Variants in JAK3 observed in about 807,000 individuals in gnomAD.
JAK3 encodes the protein Janus kinase 3.
Under a neutral mutation model 120.8 loss-of-function variants are expected in JAK3, and 88 were observed. That is an observed-to-expected ratio of 0.73 (90% CI 0.61 to 0.87). The LOEUF is 0.87. Ranked by LOEUF, JAK3 falls within the 40% of genes least tolerant of loss-of-function variation. The pLI is 0.00. For synonymous variants in JAK3, 592 were observed against 628.6 expected, an observed-to-expected ratio of 0.94 and a Z score of 0.87; for missense variants, 1,254 against 1,501.4, an observed-to-expected ratio of 0.84 and a Z score of 2.72.
chr19:17,826,768 T>C lies in JAK3; in HGVS notation c.3350A>G (p.Lys1117Arg). The C allele has an allele frequency of 6.2e-7, 1 of 1,613,996 alleles. No homozygotes were observed. Among genetic ancestry groups the C allele is most frequent in the Non-Finnish European group, 8.5e-7 (1 of 1,179,966 alleles). Residue 1117 changes from lysine to arginine, a missense_variant, in exon 24 of 24, where the codon AAA becomes AGA. Lys to Arg is a conservative substitution (Grantham distance 26, BLOSUM62 2). Transcript: ENST00000458235. ...THAFTAHPEG[K>R]HHSLSFS ...CTATGAAAAGGACAGGGAGTGGTGT[T>C]TGCCCTCTGGGTGAGCAGTGAAGGC...
intron 1 of JAK3, among the ~76,000 whole-genome samples, chr19:17,845,811 G>T (rs931797754): frequency 6.6e-6 from 1 of 152,028 alleles, no homozygotes; most frequent in African/African-American, 2.4e-5. Flanking sequence ...GGGGTGGGGC[G>T]GCATTAATGA....
intron 23 of JAK3, among the ~76,000 whole-genome samples, chr19:17,827,536 G>A (rs1349929776): frequency 6.0e-5 from 9 of 149,714 alleles, no homozygotes; most frequent in Non-Finnish European, 1.3e-4. Flanking sequence ...TAGTAGAGAC[G>A]GGGTTTCACC....
rs2147697674 is a variant in JAK3 at position 17,842,489 on chromosome 19, C to G, written c.688G>C (p.Asp230His). Residue 230 changes from aspartate to histidine, a missense_variant, in exon 6 of 24, where the codon GAC (aspartate) becomes CAC (histidine). Transcript: ENST00000458235. This position sits in a 1 kb window ranked among gnomAD's most constrained non-coding sequence, Gnocchi z 6.4. ...ALRRVAACQA[D>H]RHSLMAKYIM... is the part of the protein sequence containing the mutation. ...TACTTGGCCATGAGCGAGTGCCGGTCTGCCTGGCAGGCGGCCACGCGGCGC... is the reference window on the plus strand; with the variant it reads ...TACTTGGCCATGAGCGAGTGCCGGTGTGCCTGGCAGGCGGCCACGCGGCGC... 1.2e-6 allele frequency: 2 copies of G among 1,600,096 alleles called. No individual in the cohort carries two copies. The highest frequency in any genetic ancestry group is 2.3e-5 in the East Asian group (1 of 44,314).
rs1049976349 is a variant in JAK3, at chr19:17,841,291, C to A, written c.1142+98G>T. 6 of 1,306,452 alleles carry A rather than the reference C, an allele frequency of 4.6e-6. No homozygotes were observed. The highest frequency in any genetic ancestry group is 6.3e-6 in the Non-Finnish European group (6 of 954,752). The allele number at this position is 1,306,452 out of a possible 1,614,324, so 80.9% of individuals were successfully genotyped here. ...GCAGGTGTGGTTTGAAAACTTGACC[C>A]CTGTCCAGGGCTCCTGGAAGGTGAG... On this transcript the variant is annotated intron_variant, in intron 8 of 23. Coordinates refer to ENST00000458235, the MANE Select transcript of JAK3 (RefSeq NM_000215.4). The surrounding 1 kb of genome is among the most constrained non-coding windows in gnomAD (Gnocchi z 4.1).
Position 17,841,082 on chromosome 19 carries a change from G to A in JAK3, c.1142+307C>T, listed in dbSNP as rs141617447. On this transcript the variant is annotated intron_variant, in intron 8 of 23. Coordinates refer to ENST00000458235, the MANE Select transcript of JAK3 (RefSeq NM_000215.4). This position sits in a 1 kb window ranked among gnomAD's most constrained non-coding sequence, Gnocchi z 4.1. ...TCCTCCTGCCTTGGCCCCTCAAAGC[G>A]CTGCGATTGCAGGTGTGCCCCACTA... is the stretch of plus-strand genomic sequence containing the variant. Among the ~76,000 whole-genome samples, 130 of 152,174 alleles carry A rather than the reference G, an allele frequency of 8.5e-4. No individual in the cohort carries two copies. The highest frequency in any genetic ancestry group is 3.4e-3 in the Middle Eastern group (1 of 294).
Position 17,842,901 on chromosome 19 carries a change from C to A in JAK3, c.566+126G>T. Reference sequence around the variant, plus strand: ...GAGAGGGCTGGGTTCGTGGGAGGCCCTGGGTCATAGGAACACCCTGAAAGC... The same window carrying A: ...GAGAGGGCTGGGTTCGTGGGAGGCCATGGGTCATAGGAACACCCTGAAAGC... On this transcript the variant is annotated intron_variant, in intron 5 of 23. Transcript: ENST00000458235. This position sits in a 1 kb window ranked among gnomAD's most constrained non-coding sequence, Gnocchi z 6.4. 1 of 1,365,412 alleles carries A rather than the reference C, an allele frequency of 7.3e-7. No individual in the cohort carries two copies. The highest frequency in any genetic ancestry group is 1.0e-6 in the Non-Finnish European group (1 of 978,894). The allele number at this position is 1,365,412 out of a possible 1,614,324, so 84.6% of individuals were successfully genotyped here. A position where few individuals can be genotyped will look rare whatever the true frequency, so the allele number is the denominator to read the frequency against.
intron 8 of JAK3, among the ~76,000 whole-genome samples, 177 bp from the exon 9 acceptor site, chr19:17,840,518 T>C (rs549499296): frequency 6.6e-6 from 1 of 151,928 alleles, no homozygotes; most frequent in Non-Finnish European, 1.5e-5. Context: ...AATCCCAGCA[T>C]TTTGGGAGGC....
In JAK3 at chr19:17,844,313, G is replaced by A. The variant is rs199988158; in HGVS notation, c.105C>T (p.Pro35=). 27 of 1,608,594 alleles carry A rather than the reference G, an allele frequency of 1.7e-5. No homozygotes were observed. The highest frequency in any genetic ancestry group is 4.5e-5 in the East Asian group (2 of 44,752). The part of the protein sequence containing the change: ...ALHVLLPARG[P]GPPQRLSFSF... ...AGAAAGATAGGCGCTGGGGGGGCCC[G>A]GGGCCCCGAGCGGGCAGCAGCACAT... The change falls in exon 2 of 24, where the codon CCC becomes CCT. Residue 35 remains proline (P), a synonymous_variant. Coordinates refer to ENST00000458235, the MANE Select transcript of JAK3 (RefSeq NM_000215.4).
In JAK3 at chr19:17,841,976, T is replaced by TC. The variant is rs2094240395; in HGVS notation, c.862-215dup. On this transcript the variant is annotated intron_variant, in intron 6 of 23. Transcript: ENST00000458235. This position sits in a 1 kb window ranked among gnomAD's most constrained non-coding sequence, Gnocchi z 4.1. ...CGCTCTGCCAATCCCCGCCTCCTTCTCTCTGCCGGACCCCGCCCCTTGATC... is the reference window on the plus strand; with the variant it reads ...CGCTCTGCCAATCCCCGCCTCCTTCTCCTCTGCCGGACCCCGCCCCTTGATC... Among the ~76,000 whole-genome samples the TC allele has an allele frequency of 6.7e-6, 1 of 148,954 alleles. No homozygotes were observed.
At position 17,842,606 on chromosome 19, in the gene JAK3, T is replaced by C; in HGVS notation, c.571A>G (p.Lys191Glu). 1 of 1,573,252 alleles carries C rather than the reference T, an allele frequency of 6.4e-7. No individual in the cohort carries two copies. The highest frequency in any genetic ancestry group is 8.6e-7 in the Non-Finnish European group (1 of 1,157,600). Residue 191 changes from lysine to glutamate, a missense_variant, in exon 6 of 24, where the codon AAG becomes GAG. Coordinates refer to ENST00000458235, the MANE Select transcript of JAK3 (RefSeq NM_000215.4). This position sits in a 1 kb window ranked among gnomAD's most constrained non-coding sequence, Gnocchi z 6.4. ...CGCAGGCTTGGGGGTAGGCAGGCCT[T>C]GTAGCTGCAGGGGTTGGAGGGGAGG... ...PGELLKTVSY[K>E]ACLPPSLRDL...
At chr19:17,833,776 C>A (rs1215880211) in intron 17 of JAK3, among the ~76,000 whole-genome samples, 1 of 151,958 alleles carries the variant, frequency 6.6e-6, no homozygotes, top group African/African-American at 2.4e-5. Context: ...TTGCTTGAAC[C>A]AGGGAGGCAG....
rs201838318 is a variant in JAK3, at chr19:17,834,962, G to A, written c.2089C>T (p.Arg697Trp). 38 of 1,614,116 alleles carry A rather than the reference G, an allele frequency of 2.4e-5. No individual in the cohort carries two copies. The African/African-American group carries it at 2.5e-4, about 11-fold the overall frequency. Residue 697 changes from arginine to tryptophan, a missense_variant, in exon 16 of 24, where the codon CGG (arginine) becomes TGG (tryptophan). Physicochemically the swap from Arg to Trp is moderately radical, Grantham distance 101. Coordinates refer to ENST00000458235, the MANE Select transcript of JAK3 (RefSeq NM_000215.4). ...TCCAAGCTAAGTGTCTGCGCCTCCC[G>A]GAGACACTCGGGGGCCACCCAGGGG... ...RIPWVAPECL[R>W]EAQTLSLEAD... is the part of the protein sequence containing the mutation.
chr19:17,841,974 T>G lies in JAK3; in HGVS notation c.862-212A>C, dbSNP rs994334123. ...CCCGCTCTGCCAATCCCCGCCTCCT[T>G]CTCTCTGCCGGACCCCGCCCCTTGA... On this transcript the variant is annotated intron_variant, in intron 6 of 23. Transcript: ENST00000458235. This position sits in a 1 kb window ranked among gnomAD's most constrained non-coding sequence, Gnocchi z 4.1. Among the ~76,000 whole-genome samples, 1 of 150,938 alleles carries G rather than the reference T, an allele frequency of 6.6e-6. No individual in the cohort carries two copies. Among genetic ancestry groups the G allele is most frequent in the African/African-American group, 2.4e-5 (1 of 40,880 alleles).
In JAK3 at chr19:17,842,571, G is replaced by T. The variant is rs576306682; in HGVS notation, c.606C>A (p.Ile202=). 3.8e-6 allele frequency: 6 copies of T among 1,587,818 alleles called. No individual in the cohort carries two copies. The Admixed American group carries it at 8.9e-5, about 24-fold the overall frequency. Residue 202 remains isoleucine, a synonymous_variant, in exon 6 of 24, where the codon ATC becomes ATA. Coordinates refer to ENST00000458235, the MANE Select transcript of JAK3 (RefSeq NM_000215.4). This position sits in a 1 kb window ranked among gnomAD's most constrained non-coding sequence, Gnocchi z 6.4. Reference sequence around the variant, plus strand: ...TCCGCGTCACGAAGCTCAGGCCCTGGATCAGGTCGCGCAGGCTTGGGGGTA... The same window carrying T: ...TCCGCGTCACGAAGCTCAGGCCCTGTATCAGGTCGCGCAGGCTTGGGGGTA... ...ACLPPSLRDL[I]QGLSFVTRRR...
chr19:17,825,112 AAAG>A lies in JAK3; in HGVS notation c.*1628_*1630del, dbSNP rs1007140432. 4.4e-6 allele frequency: 1 copy of A among 229,482 alleles called. No individual in the cohort carries two copies. Among genetic ancestry groups the A allele is most frequent in the African/African-American group, 2.2e-5 (1 of 45,082 alleles). 14.2% of individuals were successfully genotyped at this position (229,482 alleles called of 1,614,324 possible). On this transcript the variant is annotated 3_prime_UTR_variant, in exon 24 of 24. Coordinates refer to ENST00000458235, the MANE Select transcript of JAK3 (RefSeq NM_000215.4). ...CATGAGAATCCCTCTCACCAGTCAG[AAAG>A]TTGACCCTGCACAGCCAAGGGGTAA...
At position 17,843,268 on chromosome 19, in the gene JAK3, C is replaced by A; in HGVS notation, c.421-96G>T. 1 of 1,539,148 alleles carries A rather than the reference C, an allele frequency of 6.5e-7. No individual in the cohort carries two copies. The highest frequency in any genetic ancestry group is 8.8e-7 in the Non-Finnish European group (1 of 1,136,784). On this transcript the variant is annotated intron_variant, in intron 4 of 23. Coordinates refer to ENST00000458235, the MANE Select transcript of JAK3 (RefSeq NM_000215.4). This position sits in a 1 kb window ranked among gnomAD's most constrained non-coding sequence, Gnocchi z 5.4. ...CCCCCAATCCTGGGCTGACCCCCAC[C>A]CCTGGACTGCCACAGGGAGGGTCAG...
At chr19:17,828,611 A>G in intron 23 of JAK3, among the ~76,000 whole-genome samples, 1 of 149,952 alleles carries the variant, frequency 6.7e-6, no homozygotes, top group East Asian at 2.0e-4. Context: ...CTGGTCTTGA[A>G]CTCCTGGGCT....
intron 9 of JAK3, 35 bp from the exon 10 acceptor site, chr19:17,839,698 CGACA>C (rs3212744): frequency 1.3e-6 from 2 of 1,487,412 alleles, no homozygotes; most frequent in East Asian, 4.6e-5. Flanking sequence ...TGGGACTGAG[CGACA>C]GACACTCTCC....
chr19:17,832,397 A>T lies in JAK3; in HGVS notation c.2680+122T>A. 1.0e-6 allele frequency: 1 copy of T among 989,844 alleles called. No homozygotes were observed. Among genetic ancestry groups the T allele is most frequent in the South Asian group, 1.3e-5 (1 of 77,102 alleles). 61.3% of individuals were successfully genotyped at this position (989,844 alleles called of 1,614,324 possible). A position where few individuals can be genotyped will look rare whatever the true frequency, so the allele number is the denominator to read the frequency against. On this transcript the variant is annotated intron_variant, in intron 19 of 23. Transcript: ENST00000458235. This position sits in a 1 kb window ranked among gnomAD's most constrained non-coding sequence, Gnocchi z 4.7. ...GAGTCAGGATTCAAACCTGTAACCC[A>T]TGTGAATCTGGATCAATAATCACGT... is the stretch of plus-strand genomic sequence containing the variant.
Sources: gnomAD v4.1 joint callset for allele counts (sites outside exome capture counted in the v4.1 genomes callset) on GRCh38, gnomAD v4.1.1 for gene constraint, Gnocchi (gnomAD v3.1) non-coding constraint, MANE v1.5 for transcripts, NCBI Gene and HGNC (gene_info 2026-07-23, HGNC 2026-07-21) for gene names.